Variants in ABCA13 observed in about 807,000 individuals in gnomAD.
ABCA13 encodes the protein ATP-binding cassette sub-family A member 13.
ABCA13 carries 476 observed loss-of-function variants against 478.7 expected under a neutral mutation model. The observed-to-expected ratio is 0.99, with a 90% confidence interval of 0.92 to 1.07. The LOEUF is 1.07. Ranked by LOEUF, ABCA13 falls within the 50% of genes least tolerant of loss-of-function variation. The probability of loss-of-function intolerance (pLI) is 0.00; values close to 1 mark genes in which losing one functional copy is unlikely to be tolerated. For missense variants in ABCA13, 6,060 were observed against 5,910.6 expected, an observed-to-expected ratio of 1.03 and a Z score of -0.83; for synonymous variants, 2,252 against 2,158.9, an observed-to-expected ratio of 1.04 and a Z score of -1.20.
At chr7:48,523,289 G>T (rs1301358451) in intron 53 of ABCA13, among the ~76,000 whole-genome samples, 1 of 152,116 alleles carries the variant, frequency 6.6e-6, no homozygotes, top group Non-Finnish European at 1.5e-5. Flanking sequence ...GTCAAATGGT[G>T]ATTTTATATG....
intron 3 of ABCA13, among the ~76,000 whole-genome samples, chr7:48,212,447 T>C (rs1785807261): frequency 6.6e-6 from 1 of 152,228 alleles, no homozygotes; most frequent in African/African-American, 2.4e-5. Flanking sequence ...CTTGGGTTAA[T>C]ACCTAGGAGT....
At chr7:48,606,221 G>A (rs535662700) in intron 58 of ABCA13, among the ~76,000 whole-genome samples, 3 of 152,234 alleles carry the variant, frequency 2.0e-5, no homozygotes, top group African/African-American at 4.8e-5. Flanking sequence ...CTGTCCGTTC[G>A]TCAAACTTAT....
intron 3 of ABCA13, 66 bp downstream of exon 3, chr7:48,198,426 T>G: frequency 1.3e-6 from 2 of 1,564,554 alleles, no homozygotes; most frequent in East Asian, 4.5e-5. Context: ...AGGCTTCTGC[T>G]TTTTGTAAAG....
intron 59 of ABCA13, among the ~76,000 whole-genome samples, chr7:48,620,356 G>C (rs1027604032): frequency 6.6e-6 from 1 of 152,178 alleles, no homozygotes; most frequent in Non-Finnish European, 1.5e-5. Flanking sequence ...CTAAGTAAAA[G>C]CAGCATGACC....
At chr7:48,246,496 G>C (rs1791704117) in intron 13 of ABCA13, among the ~76,000 whole-genome samples, 1 of 152,090 alleles carries the variant, frequency 6.6e-6, no homozygotes. Context: ...TGAACGATTT[G>C]TTTGGAAAGA....
chr7:48,406,648 G>A (rs1218828781), intron 39 of ABCA13, among the ~76,000 whole-genome samples: 1 of 152,080 alleles, frequency 6.6e-6, no homozygotes, highest in East Asian at 1.9e-4. Flanking sequence ...CAAGATGGGT[G>A]GATCACTTGA....
intron 44 of ABCA13, among the ~76,000 whole-genome samples, chr7:48,469,084 C>G (rs2130238330): frequency 6.6e-6 from 1 of 152,334 alleles, no homozygotes. Flanking sequence ...ACTTTCCTCA[C>G]CCATTCTTGT....
chr7:48,376,349 C>A, intron 34 of ABCA13, 92 bp from the exon 35 acceptor site: 1 of 1,485,354 alleles, frequency 6.7e-7, no homozygotes, highest in Non-Finnish European at 9.1e-7. Context: ...TTCAACTTCA[C>A]TTGAGCTTCC....
intron 58 of ABCA13, 46 bp downstream of exon 58, chr7:48,594,859 A>T (rs1427118073): frequency 6.5e-7 from 1 of 1,549,860 alleles, no homozygotes; most frequent in Admixed American, 1.7e-5. Context: ...AAGACTGAGT[A>T]ACAAAGGTTA....
rs1173679851 is a variant in ABCA13 at position 48,644,667 on chromosome 7, C to T, written c.14994C>T (p.Cys4998=). 3 of 1,610,124 alleles carry T rather than the reference C, an allele frequency of 1.9e-6. No homozygotes were observed. Among genetic ancestry groups the T allele is most frequent in the African/African-American group, 1.4e-5 (1 of 73,882 alleles). Residue 4998 remains cysteine, a synonymous_variant, in exon 61 of 62, where the codon TGC becomes TGT. Transcript: ENST00000435803. ...LEYHVPKRWG[C]LADLFKVIEN... ...ATCATGTGCCAAAAAGATGGGGATG[C>T]CTAGCTGACTTGTTCAAAGTTATAG...
At chr7:48,342,804 T>G (rs999507715) in intron 29 of ABCA13, among the ~76,000 whole-genome samples, 1 of 152,200 alleles carries the variant, frequency 6.6e-6, no homozygotes, top group Non-Finnish European at 1.5e-5. Context: ...ATTTCTTTTC[T>G]TACTAGTTTT....
intron 23 of ABCA13, among the ~76,000 whole-genome samples, chr7:48,309,528 C>T (rs898178519): frequency 2.0e-5 from 3 of 152,110 alleles, no homozygotes; most frequent in African/African-American, 7.2e-5. Flanking sequence ...ATCAGCTTCA[C>T]ACTGATGACG....
intron 5 of ABCA13, among the ~76,000 whole-genome samples, chr7:48,223,981 A>G (rs1417172062): frequency 1.2e-4 from 17 of 142,524 alleles, no homozygotes; most frequent in Non-Finnish European, 2.0e-4. Context: ...AAAAAAAGAG[A>G]GAGAGAGAGA....
chr7:48,363,947 T>C (rs1175834742), intron 31 of ABCA13, among the ~76,000 whole-genome samples: 2 of 152,186 alleles, frequency 1.3e-5, no homozygotes, highest in African/African-American at 2.4e-5. Context: ...TGAGACCAAC[T>C]TTTTCGCATG....
intron 2 of ABCA13, 112 bp from the exon 3 acceptor site, chr7:48,198,125 C>A: frequency 9.0e-7 from 1 of 1,109,176 alleles, no homozygotes; most frequent in Non-Finnish European, 1.2e-6. Context: ...AAATTAATAG[C>A]AAGGTTAATA....
intron 27 of ABCA13, among the ~76,000 whole-genome samples, chr7:48,319,124 C>T (rs1369259551): frequency 6.6e-6 from 1 of 152,014 alleles, no homozygotes; most frequent in Non-Finnish European, 1.5e-5. Flanking sequence ...TTTCTAAGCC[C>T]CTGTGAGGTG....
chr7:48,291,300 GGA>G (rs1798501182), intron 20 of ABCA13, among the ~76,000 whole-genome samples: 2 of 152,202 alleles, frequency 1.3e-5, no homozygotes, highest in African/African-American at 4.8e-5. Context: ...GTTAGAAAAT[GGA>G]GACGGGCTTG....
intron 1 of ABCA13, among the ~76,000 whole-genome samples, chr7:48,180,815 T>C (rs1795592870): frequency 6.6e-6 from 1 of 152,114 alleles, no homozygotes; most frequent in South Asian, 2.1e-4. Flanking sequence ...GGCAGGAGGA[T>C]CGCTTCAGCC....
intron 59 of ABCA13, among the ~76,000 whole-genome samples, chr7:48,629,021 C>A (rs115227087): frequency 1.4e-3 from 206 of 152,296 alleles, no homozygotes; most frequent in African/African-American, 4.7e-3. Flanking sequence ...CAGGGTGAAG[C>A]CTGCTTTCTC....
Sources: gnomAD v4.1 joint callset for allele counts (sites outside exome capture counted in the v4.1 genomes callset) on GRCh38, gnomAD v4.1.1 for gene constraint, MANE v1.5 for transcripts, NCBI Gene and HGNC (gene_info 2026-07-23, HGNC 2026-07-21) for gene names.